The following TMEM62 variants were observed in gnomAD, a reference collection of about 807,000 sequenced individuals.
TMEM62 encodes transmembrane protein 62.
A neutral mutation model predicts 70.4 loss-of-function variants in TMEM62; 41 were observed. The observed-to-expected ratio is 0.58, with a 90% CI of 0.45 to 0.76. The LOEUF is 0.76. TMEM62 is among the 30% of genes least tolerant of loss of function. The pLI is 0.00. For missense variants in TMEM62, 688 were observed against 788.5 expected (o/e 0.87, Z 1.53); for synonymous variants, 268 against 291.0 (o/e 0.92, Z 0.80).
chr15:43,165,757 T>A (rs982444044), intron 10 of TMEM62, among the ~76,000 whole-genome samples: 2 of 151,268 alleles, frequency 1.3e-5, no homozygotes, highest in African/African-American at 4.9e-5. Flanking sequence ...ATAAATTAAA[T>A]AAAAAATAAA....
chr15:43,134,863 A>G (rs183547596), intron 2 of TMEM62, among the ~76,000 whole-genome samples: 5 of 152,286 alleles, frequency 3.3e-5, no homozygotes, highest in Non-Finnish European at 7.4e-5. Context: ...AGACTCTTCA[A>G]ACACTTTATT....
chr15:43,156,859 A>C (rs1222940645), intron 9 of TMEM62, among the ~76,000 whole-genome samples: 1 of 152,100 alleles, frequency 6.6e-6, no homozygotes, highest in African/African-American at 2.4e-5. Context: ...AATATGATAC[A>C]TTTCCCTCAA....
intron 4 of TMEM62, among the ~76,000 whole-genome samples, chr15:43,140,950 C>G (rs538796868): frequency 6.6e-6 from 1 of 152,232 alleles, no homozygotes; most frequent in Non-Finnish European, 1.5e-5. Flanking sequence ...GTTCCACACA[C>G]GAGCCCATAG....
At chr15:43,182,766 T>G (rs2041478599) in intron 13 of TMEM62, among the ~76,000 whole-genome samples, 1 of 152,246 alleles carries the variant, frequency 6.6e-6, no homozygotes, top group Non-Finnish European at 1.5e-5. Flanking sequence ...ATTGCAGTTT[T>G]CTATTATGTT....
chr15:43,139,189 CAGTG>C (rs1404934711), intron 4 of TMEM62, among the ~76,000 whole-genome samples: 2 of 152,166 alleles, frequency 1.3e-5, no homozygotes, highest in African/African-American at 4.8e-5. Context: ...GATCTGTGAT[CAGTG>C]ACCTTTGATG....
At chr15:43,152,346 A>T (rs2141701669) in intron 8 of TMEM62, among the ~76,000 whole-genome samples, 1 of 152,276 alleles carries the variant, frequency 6.6e-6, no homozygotes, top group South Asian at 2.1e-4. Context: ...AGCTATATAT[A>T]TAATCCTTAT....
chr15:43,148,653 A>G (rs1286638184), intron 5 of TMEM62, 102 bp from the exon 6 acceptor site: 2 of 1,389,768 alleles, frequency 1.4e-6, no homozygotes, highest in Non-Finnish European at 2.0e-6. Context: ...CTAGACACAT[A>G]TAATAATTAT....
Position 43,133,783 on chromosome 15 carries a change from C to A in TMEM62, c.-20C>A. 7.4e-7 allele frequency: 1 copy of A among 1,349,718 alleles called. No homozygotes were observed. The highest frequency in any genetic ancestry group is 9.4e-7 in the Non-Finnish European group (1 of 1,059,938). 83.6% of individuals were successfully genotyped at this position (1,349,718 alleles called of 1,614,324 possible). A position where few individuals can be genotyped will look rare whatever the true frequency, so the allele number is the denominator to read the frequency against. On this transcript the variant is annotated 5_prime_UTR_variant, in exon 1 of 14. Coordinates refer to ENST00000260403, the MANE Select transcript of TMEM62 (RefSeq NM_024956.4). ...TCCTGCGCGGGATCAGCGAGGGCCGCGCCCCGGCGGGCGGGCGGCATGGCT... is the reference window on the plus strand; with the variant it reads ...TCCTGCGCGGGATCAGCGAGGGCCGAGCCCCGGCGGGCGGGCGGCATGGCT...
intron 11 of TMEM62, among the ~76,000 whole-genome samples, chr15:43,173,786 T>C (rs1463916096): frequency 6.6e-6 from 1 of 152,096 alleles, no homozygotes; most frequent in Non-Finnish European, 1.5e-5. Flanking sequence ...ACAGCCACTT[T>C]GCTTTATATA....
intron 8 of TMEM62, among the ~76,000 whole-genome samples, 198 bp from the exon 9 acceptor site, chr15:43,154,473 GT>G (rs1275199988): frequency 6.6e-6 from 1 of 152,136 alleles, no homozygotes; most frequent in African/African-American, 2.4e-5. Flanking sequence ...TTTCTTACCA[GT>G]TCAGTTTTGC....
intron 9 of TMEM62, among the ~76,000 whole-genome samples, chr15:43,156,845 A>G (rs2038105615): frequency 6.6e-6 from 1 of 152,184 alleles, no homozygotes; most frequent in Admixed American, 6.5e-5. Flanking sequence ...CATCGCCTAC[A>G]AACAATATGA....
At chr15:43,161,925 G>A (rs1295290540) in intron 10 of TMEM62, among the ~76,000 whole-genome samples, 1 of 151,974 alleles carries the variant, frequency 6.6e-6, no homozygotes, top group African/African-American at 2.4e-5. Context: ...GCCTCCCAAA[G>A]TGCTGGGATT....
chr15:43,135,627 G>T lies in TMEM62; in HGVS notation c.408G>T (p.Trp136Cys), dbSNP rs2035108270. The change falls in exon 3 of 14, where the codon TGG (tryptophan) becomes TGT (cysteine). Residue 136 changes from tryptophan (W) to cysteine (C), a missense_variant. Physicochemically the swap from Trp to Cys is radical, Grantham distance 215. Transcript: ENST00000260403. ...KKTRVMEKTK[W>C]LDIKGNHDAF... The stretch of plus-strand genomic sequence containing the variant: ...CAAGAGTCATGGAAAAAACCAAGTG[G>T]CTGGATATCAAAGGAAATCATGGTA... 1 of 1,597,272 alleles carries T rather than the reference G, an allele frequency of 6.3e-7. No individual in the cohort carries two copies. Among genetic ancestry groups the T allele is most frequent in the African/African-American group, 1.4e-5 (1 of 73,830 alleles).
chr15:43,177,879 G>A (rs2040927725), intron 11 of TMEM62, among the ~76,000 whole-genome samples: 1 of 151,838 alleles, frequency 6.6e-6, no homozygotes, highest in South Asian at 2.1e-4. Flanking sequence ...GATAGCATTA[G>A]GAGATATACC....
chr15:43,178,583 G>C (rs771347230), intron 11 of TMEM62, 24 bp from the exon 12 acceptor site: 1 of 1,497,102 alleles, frequency 6.7e-7, no homozygotes, highest in South Asian at 1.2e-5. Context: ...TGTTCACTGG[G>C]TTTTTCAACT....
Position 43,133,765 on chromosome 15 carries a change from C to T in TMEM62, c.-38C>T. The T allele has an allele frequency of 3.0e-6, 4 of 1,318,546 alleles. No homozygotes were observed. Among genetic ancestry groups the T allele is most frequent in the Non-Finnish European group, 3.9e-6 (4 of 1,037,210 alleles). The allele number at this position is 1,318,546 out of a possible 1,614,324, so 81.7% of individuals were successfully genotyped here. On this transcript the variant is annotated 5_prime_UTR_variant, in exon 1 of 14. Coordinates refer to ENST00000260403, the MANE Select transcript of TMEM62 (RefSeq NM_024956.4). ...CCCGGGAGCGCCGCGCGGTCCTGCG[C>T]GGGATCAGCGAGGGCCGCGCCCCGG... is the stretch of plus-strand genomic sequence containing the variant.
At chr15:43,145,558 A>G (rs2036571554) in intron 4 of TMEM62, among the ~76,000 whole-genome samples, 1 of 152,162 alleles carries the variant, frequency 6.6e-6, no homozygotes, top group Admixed American at 6.5e-5. Context: ...ACTAATTGAC[A>G]TTGTTTAAAT....
Position 43,185,025 on chromosome 15 carries a change from T to A in TMEM62, c.*439T>A. 1 of 247,856 alleles carries A rather than the reference T, an allele frequency of 4.0e-6. No individual in the cohort carries two copies. Among genetic ancestry groups the A allele is most frequent in the Non-Finnish European group, 7.9e-6 (1 of 126,486 alleles). 15.4% of individuals were successfully genotyped at this position (247,856 alleles called of 1,614,324 possible). A position where few individuals can be genotyped will look rare whatever the true frequency, so the allele number is the denominator to read the frequency against. ...ACCTTTGAGGATCTGGGCCCGACCC[T>A]CACTACCCCTGAGATATTAGTTCCC... is the stretch of plus-strand genomic sequence containing the variant. On this transcript the variant is annotated 3_prime_UTR_variant, in exon 14 of 14. Transcript: ENST00000260403.
chr15:43,145,289 C>A (rs951953354), intron 4 of TMEM62, among the ~76,000 whole-genome samples: 44 of 149,658 alleles, frequency 2.9e-4, no homozygotes, highest in African/African-American at 8.6e-4. Context: ...ACTGCAAGCT[C>A]CGCCTCCCGG....
Sources: gnomAD v4.1 joint callset for allele counts (sites outside exome capture counted in the v4.1 genomes callset) on GRCh38, gnomAD v4.1.1 for gene constraint, MANE v1.5 for transcripts, NCBI Gene and HGNC (gene_info 2026-07-23, HGNC 2026-07-21) for gene names.